KCNH1: variants seen among roughly 807,000 people sequenced by gnomAD.
KCNH1 encodes the protein voltage-gated delayed rectifier potassium channel KCNH1.
Under a neutral mutation model 69.2 loss-of-function variants are expected in KCNH1, and 27 were observed. The ratio of observed to expected loss-of-function variants is 0.39; its 90% CI spans 0.29 to 0.54. The LOEUF (loss-of-function observed/expected upper bound fraction) is 0.54, where lower values mean the gene tolerates loss of function less well. Ranked by LOEUF, KCNH1 falls within the 20% of genes least tolerant of loss-of-function variation. KCNH1 has a pLI of 0.68. For missense variants in KCNH1, 798 were observed against 1,261.6 expected (o/e 0.63, Z 5.57); for synonymous variants, 456 against 487.7 (o/e 0.93, Z 0.86).
intron 10 of KCNH1, among the ~76,000 whole-genome samples, chr1:210,744,959 T>C (rs1302589764): frequency 6.6e-6 from 1 of 152,112 alleles, no homozygotes; most frequent in Admixed American, 6.5e-5. Flanking sequence ...TCCCAGCACT[T>C]TGGGAGGCCA....
intron 7 of KCNH1, among the ~76,000 whole-genome samples, chr1:210,879,085 C>G (rs1159889314): frequency 6.6e-6 from 1 of 152,004 alleles, no homozygotes; most frequent in Non-Finnish European, 1.5e-5. Context: ...AATAAACAAT[C>G]TGAAGTGGTC....
intron 6 of KCNH1, among the ~76,000 whole-genome samples, chr1:210,994,976 T>C (rs1689002001): frequency 6.6e-6 from 1 of 152,206 alleles, no homozygotes; most frequent in Admixed American, 6.5e-5. Flanking sequence ...TATTTAGCAC[T>C]TATTAAACAC....
chr1:210,854,501 A>G (rs1165636475), intron 7 of KCNH1, among the ~76,000 whole-genome samples: 1 of 152,252 alleles, frequency 6.6e-6, no homozygotes, highest in African/African-American at 2.4e-5. Flanking sequence ...TACCCATGGC[A>G]GCTTTGGGAG....
chr1:211,107,506 C>T, intron 1 of KCNH1, 129 bp from the exon 2 acceptor site: 1 of 918,624 alleles, frequency 1.1e-6, no homozygotes, highest in African/African-American at 1.6e-5. Flanking sequence ...GACTCTTGAA[C>T]AGAAATGTCG....
At chr1:211,130,396 C>T (rs942602977) in intron 1 of KCNH1, among the ~76,000 whole-genome samples, 1 of 152,110 alleles carries the variant, frequency 6.6e-6, no homozygotes, top group African/African-American at 2.4e-5. Flanking sequence ...TTTTTAAATA[C>T]AGTGACAGGC....
At chr1:210,761,345 T>C (rs936538484) in intron 10 of KCNH1, among the ~76,000 whole-genome samples, 1 of 151,454 alleles carries the variant, frequency 6.6e-6, no homozygotes, top group Non-Finnish European at 1.5e-5. Flanking sequence ...AACTAGTTGT[T>C]GGCAACTAGC....
chr1:210,994,801 TCAAA>T (rs1688997593), intron 6 of KCNH1, among the ~76,000 whole-genome samples: 1 of 152,170 alleles, frequency 6.6e-6, no homozygotes, highest in Non-Finnish European at 1.5e-5. Flanking sequence ...TATGCTAGAA[TCAAA>T]CAAGCCTGTA....
chr1:210,845,506 A>C (rs963345447), intron 7 of KCNH1, among the ~76,000 whole-genome samples: 3 of 152,188 alleles, frequency 2.0e-5, no homozygotes, highest in African/African-American at 7.2e-5. Context: ...GATGCAGAAA[A>C]GGCCTTTGAC....
At chr1:211,045,394 C>T (rs889750795) in intron 5 of KCNH1, among the ~76,000 whole-genome samples, 5 of 151,810 alleles carry the variant, frequency 3.3e-5, no homozygotes, top group Non-Finnish European at 7.4e-5. Flanking sequence ...CAAACACCAC[C>T]TGTTCCCCAA....
chr1:210,810,565 C>T (rs1684681660), intron 7 of KCNH1, among the ~76,000 whole-genome samples: 1 of 152,004 alleles, frequency 6.6e-6, no homozygotes, highest in Non-Finnish European at 1.5e-5. Flanking sequence ...TTCTCTCTTC[C>T]TATTTCTATC....
intron 10 of KCNH1, among the ~76,000 whole-genome samples, chr1:210,712,947 C>T (rs1682114677): frequency 1.3e-5 from 2 of 152,048 alleles, no homozygotes; most frequent in African/African-American, 4.8e-5. Flanking sequence ...CACTTGCCTT[C>T]CCTTGGCCTG....
intron 9 of KCNH1, among the ~76,000 whole-genome samples, chr1:210,783,322 GC>G (rs1684027966): frequency 6.6e-6 from 1 of 152,178 alleles, no homozygotes; most frequent in African/African-American, 2.4e-5. Context: ...TGGGCATAAT[GC>G]TAGGTGATGG....
At chr1:211,041,630 A>G (rs1479624820) in intron 5 of KCNH1, among the ~76,000 whole-genome samples, 1 of 152,132 alleles carries the variant, frequency 6.6e-6, no homozygotes, top group African/African-American at 2.4e-5. Flanking sequence ...CCAGCTCTTT[A>G]TATCAGACTC....
At chr1:210,817,146 C>CA (rs1684833766) in intron 7 of KCNH1, among the ~76,000 whole-genome samples, 1 of 152,172 alleles carries the variant, frequency 6.6e-6, no homozygotes, top group South Asian at 2.1e-4. Flanking sequence ...ACATTGCCTC[C>CA]AAAATAATAA....
chr1:210,751,496 T>C (rs1218303327), intron 10 of KCNH1, among the ~76,000 whole-genome samples: 2 of 152,170 alleles, frequency 1.3e-5, no homozygotes, highest in African/African-American at 4.8e-5. Context: ...CCAGTTTGCC[T>C]GGGACTAAGG....
chr1:211,115,346 A>G (rs1165384859), intron 1 of KCNH1, among the ~76,000 whole-genome samples: 1 of 152,162 alleles, frequency 6.6e-6, no homozygotes, highest in Non-Finnish European at 1.5e-5. Context: ...TGAGTGTCAA[A>G]TTGATTGGAT....
chr1:210,887,469 T>C (rs1176518987), intron 7 of KCNH1, among the ~76,000 whole-genome samples: 1 of 152,006 alleles, frequency 6.6e-6, no homozygotes, highest in Non-Finnish European at 1.5e-5. Context: ...ATAGATACTA[T>C]GAAAAAACTG....
At chr1:210,884,070 T>G (rs1203086188) in intron 7 of KCNH1, among the ~76,000 whole-genome samples, 1 of 152,112 alleles carries the variant, frequency 6.6e-6, no homozygotes, top group Non-Finnish European at 1.5e-5. Context: ...GTGAGACGCA[T>G]GCACAGAAAA....
chr1:210,881,199 C>T (rs1034320988), intron 7 of KCNH1, among the ~76,000 whole-genome samples: 8 of 152,096 alleles, frequency 5.3e-5, no homozygotes, highest in Admixed American at 4.6e-4. Context: ...GATGGGCTTT[C>T]ACTACATTGC....
Sources: allele counts gnomAD v4.1 joint callset (sites outside exome capture counted in the v4.1 genomes callset), GRCh38; gene constraint gnomAD v4.1.1; transcripts MANE v1.5; gene names NCBI Gene and HGNC (gene_info 2026-07-23, HGNC 2026-07-21).